The following RBM19 variants were observed in gnomAD, a reference collection of about 807,000 sequenced individuals.
RBM19 encodes RNA binding motif protein 19, also known as probable RNA-binding protein 19.
Under a neutral mutation model 116.8 loss-of-function variants are expected in RBM19, and 94 were observed. The ratio of observed to expected loss-of-function variants is 0.80; its 90% CI spans 0.68 to 0.95. The LOEUF (loss-of-function observed/expected upper bound fraction) is 0.95, where lower values mean the gene tolerates loss of function less well. Among genes scored for constraint, RBM19 ranks in the 40% least tolerant of loss-of-function variants. RBM19 has a pLI of 0.00. For synonymous variants in RBM19, 475 were observed against 494.1 expected, an observed-to-expected ratio of 0.96 and a Z score of 0.51; for missense variants, 1,161 against 1,220.7, an observed-to-expected ratio of 0.95 and a Z score of 0.73.
chr12:113,912,683 G>A (rs1360049083), intron 21 of RBM19, among the ~76,000 whole-genome samples: 3 of 152,244 alleles, frequency 2.0e-5, no homozygotes, highest in Non-Finnish European at 4.4e-5. Context: ...CACACAGCAA[G>A]CGTGTAATAA....
In RBM19 at chr12:113,898,084, T is replaced by C. The variant is rs1019069382; in HGVS notation, c.2558+16885A>G. Reference sequence around the variant, plus strand: ...GTCTAAGTGAACCTGACAGGTATCCTGGAACCTGAAATTTGGACTAAAGTA... The same window carrying C: ...GTCTAAGTGAACCTGACAGGTATCCCGGAACCTGAAATTTGGACTAAAGTA... On this transcript the variant is annotated intron_variant, in intron 21 of 23. Coordinates refer to ENST00000261741, the MANE Select transcript of RBM19 (RefSeq NM_016196.4). This position sits in a 1 kb window ranked among gnomAD's most constrained non-coding sequence, Gnocchi z 4.3. Among the ~76,000 whole-genome samples the C allele has an allele frequency of 1.3e-5, 2 of 152,168 alleles. No individual in the cohort carries two copies. The highest frequency in any genetic ancestry group is 6.5e-5 in the Admixed American group (1 of 15,276).
At chr12:113,865,841 G>A (rs1878760256) in intron 21 of RBM19, among the ~76,000 whole-genome samples, 2 of 146,446 alleles carry the variant, frequency 1.4e-5, no homozygotes, top group Admixed American at 6.9e-5. Context: ...AAAAAAAAGG[G>A]GGCAGGGGGG....
intron 22 of RBM19, 78 bp from the exon 23 acceptor site, chr12:113,844,866 T>A (rs759521074): frequency 1.7e-4 from 250 of 1,489,326 alleles, no homozygotes; most frequent in Non-Finnish European, 2.1e-4. Flanking sequence ...GCCAGCTGCC[T>A]GCCTGCGTCT....
At chr12:113,852,852 T>C (rs557695792) in intron 22 of RBM19, among the ~76,000 whole-genome samples, 1 of 152,312 alleles carries the variant, frequency 6.6e-6, no homozygotes, top group East Asian at 1.9e-4. Context: ...TGCAGCACGT[T>C]CCTCCTCTGC....
intron 14 of RBM19, among the ~76,000 whole-genome samples, chr12:113,941,530 A>G (rs577490647): frequency 3.9e-4 from 45 of 116,102 alleles, no homozygotes; most frequent in African/African-American, 1.6e-3. Flanking sequence ...CTATTAGTAT[A>G]TTTATTTTAT....
chr12:113,894,644 A>C (rs1881199622), intron 21 of RBM19, among the ~76,000 whole-genome samples: 1 of 152,212 alleles, frequency 6.6e-6, no homozygotes, highest in Non-Finnish European at 1.5e-5. Flanking sequence ...TGCAGGGATG[A>C]ATTAAGGTCT....
rs1229767045 is a variant in RBM19 at position 113,945,839 on chromosome 12, C to T, written c.1615G>A (p.Val539Met). Residue 539 changes from valine to methionine, a missense_variant, in exon 13 of 24, where the codon GTG (valine) becomes ATG (methionine). Transcript: ENST00000261741. Reference protein sequence around the residue: ...AQKYNATKSQVFDHETKGSVA... With the variant: ...AQKYNATKSQMFDHETKGSVA... ...CGGCCCTTACTCACGTGGTCAAACA[C>T]TTGACTCTTGGTGGCGTTGTACTTC... The T allele has an allele frequency of 9.0e-6, 14 of 1,563,494 alleles. No individual in the cohort carries two copies. The highest frequency in any genetic ancestry group is 6.2e-6 in the Non-Finnish European group (7 of 1,134,108).
At position 113,823,149 on chromosome 12, in the gene RBM19, G is replaced by T; in HGVS notation, c.*75C>A. 2 of 1,354,672 alleles carry T rather than the reference G, an allele frequency of 1.5e-6. No homozygotes were observed. The highest frequency in any genetic ancestry group is 2.1e-6 in the Non-Finnish European group (2 of 971,008). The allele number at this position is 1,354,672 out of a possible 1,614,324, so 83.9% of individuals were successfully genotyped here. A position where few individuals can be genotyped will look rare whatever the true frequency, so the allele number is the denominator to read the frequency against. ...CCCCGCCCCGCCCCCCAGCCCACAT[G>T]GTGGTGAGTGCAGAAGCTGGAGCGG... is the stretch of plus-strand genomic sequence containing the variant. On this transcript the variant is annotated 3_prime_UTR_variant, in exon 24 of 24. Transcript: ENST00000261741.
At chr12:113,889,904 CAAAG>C (rs1340915572) in intron 21 of RBM19, among the ~76,000 whole-genome samples, 2 of 149,654 alleles carry the variant, frequency 1.3e-5, no homozygotes, top group Non-Finnish European at 1.5e-5. Context: ...AAAAAAAAAA[CAAAG>C]AAAAGGCGTA....
At chr12:113,896,066 G>A (rs974830183) in intron 21 of RBM19, among the ~76,000 whole-genome samples, 4 of 152,142 alleles carry the variant, frequency 2.6e-5, no homozygotes, top group African/African-American at 9.6e-5. Context: ...AAGGATGAAC[G>A]ATTATAATTA....
intron 16 of RBM19, among the ~76,000 whole-genome samples, chr12:113,933,037 G>A (rs1417205944): frequency 6.6e-6 from 1 of 152,184 alleles, no homozygotes; most frequent in Non-Finnish European, 1.5e-5. Flanking sequence ...ACTGTTATCA[G>A]TTGCAAGCAG....
rs193273110 is a variant in RBM19, at chr12:113,834,469, G to A, written c.2785+10199C>T. Among the ~76,000 whole-genome samples, 99 of 152,318 alleles carry A rather than the reference G, an allele frequency of 6.5e-4. 1 individual carries two copies. The highest frequency in any genetic ancestry group is 2.2e-3 in the African/African-American group (93 of 41,572). ...AGCCACTTCAGAAGCCCTAGGGGCTGCAAGGCCTTTCTTTGAAGAGCCAGA... is the reference window on the plus strand; with the variant it reads ...AGCCACTTCAGAAGCCCTAGGGGCTACAAGGCCTTTCTTTGAAGAGCCAGA... On this transcript the variant is annotated intron_variant, in intron 23 of 23. Transcript: ENST00000261741.
intron 21 of RBM19, among the ~76,000 whole-genome samples, chr12:113,865,702 T>C (rs1419547306): frequency 1.3e-5 from 2 of 152,166 alleles, no homozygotes; most frequent in East Asian, 1.9e-4. Flanking sequence ...TTCTGTCCCA[T>C]AGGATGATGC....
chr12:113,944,862 A>T (rs527909161), intron 13 of RBM19, among the ~76,000 whole-genome samples: 1 of 104,472 alleles, frequency 9.6e-6, no homozygotes, highest in East Asian at 4.3e-4. Flanking sequence ...TGTATATATA[A>T]AAATGTATAT....
intron 16 of RBM19, among the ~76,000 whole-genome samples, chr12:113,929,270 T>C (rs1286272810): frequency 1.3e-5 from 2 of 152,206 alleles, no homozygotes; most frequent in East Asian, 1.9e-4. Flanking sequence ...CAAGTCCTAA[T>C]TAAGCTTCGA....
intron 21 of RBM19, among the ~76,000 whole-genome samples, chr12:113,905,306 C>A (rs549486641): frequency 6.6e-6 from 1 of 152,292 alleles, no homozygotes; most frequent in Admixed American, 6.5e-5. Flanking sequence ...CCCTCACACA[C>A]AGTCACCTGA....
intron 16 of RBM19, among the ~76,000 whole-genome samples, chr12:113,933,672 G>T (rs747771170): frequency 6.6e-6 from 1 of 152,216 alleles, no homozygotes; most frequent in Non-Finnish European, 1.5e-5. Context: ...CCGCGGGCAG[G>T]GGGTGGGAAA....
In RBM19 at chr12:113,841,271, T is replaced by C. The variant is rs186160515; in HGVS notation, c.2785+3397A>G. On this transcript the variant is annotated intron_variant, in intron 23 of 23. Transcript: ENST00000261741. ...CTGAAGGGCCAGCAGTGTTTGTCAT[T>C]ATGATTTGTTATTCATTCTCTCAGT... Among the ~76,000 whole-genome samples, 23 of 152,348 alleles carry C rather than the reference T, an allele frequency of 1.5e-4. 1 individual carries two copies. Among genetic ancestry groups the C allele is most frequent in the Non-Finnish European group, 2.9e-4 (20 of 68,042 alleles).
At chr12:113,890,591 C>G (rs540851378) in intron 21 of RBM19, among the ~76,000 whole-genome samples, 1 of 152,192 alleles carries the variant, frequency 6.6e-6, no homozygotes, top group African/African-American at 2.4e-5. Context: ...GGGGAATGTT[C>G]AGGGATGGCA....
Sources: allele counts gnomAD v4.1 joint callset (sites outside exome capture counted in the v4.1 genomes callset), GRCh38; gene constraint gnomAD v4.1.1; non-coding constraint Gnocchi (gnomAD v3.1); transcripts MANE v1.5; gene names NCBI Gene and HGNC (gene_info 2026-07-23, HGNC 2026-07-21).